Variants in WRN observed in about 807,000 individuals in gnomAD.
WRN encodes the protein WRN RecQ like helicase.
WRN carries 149 observed loss-of-function variants against 180.7 expected under a neutral mutation model. That is an observed-to-expected ratio of 0.82 (90% CI 0.72 to 0.94). The LOEUF (loss-of-function observed/expected upper bound fraction) is 0.94. WRN is among the 40% of genes least tolerant of loss of function. The probability of loss-of-function intolerance (pLI) is 0.00; values close to 1 mark genes in which losing one functional copy is unlikely to be tolerated. For missense variants in WRN, 1,661 were observed against 1,700.1 expected (o/e 0.98, Z 0.40); for synonymous variants, 548 against 568.9 (o/e 0.96, Z 0.52).
At chr8:31,104,190 C>T (rs1320474075) in intron 18 of WRN, among the ~76,000 whole-genome samples, 1 of 152,208 alleles carries the variant, frequency 6.6e-6, no homozygotes, top group Non-Finnish European at 1.5e-5. Context: ...TTCCTGTCAG[C>T]AGTGTGTGAA....
At chr8:31,057,240 C>T (rs2129994366) in intron 1 of WRN, among the ~76,000 whole-genome samples, 1 of 152,214 alleles carries the variant, frequency 6.6e-6, no homozygotes, top group Non-Finnish European at 1.5e-5. Context: ...CATCCTGTTT[C>T]ATCATGAGAC....
intron 3 of WRN, 132 bp from the exon 4 acceptor site, chr8:31,064,157 A>G (rs753972124): frequency 1.1e-6 from 1 of 917,978 alleles, no homozygotes; most frequent in East Asian, 2.7e-5. Flanking sequence ...CTGGCTGTTC[A>G]TTGTCAGTTG....
At chr8:31,123,740 C>CT (rs1801813284) in intron 21 of WRN, among the ~76,000 whole-genome samples, 1 of 152,148 alleles carries the variant, frequency 6.6e-6, no homozygotes, top group African/African-American at 2.4e-5. Context: ...TTAACATGGA[C>CT]TTTCATTTGT....
intron 32 of WRN, 100 bp downstream of exon 32, chr8:31,154,855 C>T: frequency 2.1e-6 from 3 of 1,405,064 alleles, no homozygotes; most frequent in Non-Finnish European, 3.0e-6. Flanking sequence ...GATCAATTTC[C>T]TCCAACCCTA....
intron 1 of WRN, among the ~76,000 whole-genome samples, chr8:31,051,135 A>G (rs1180152785): frequency 6.6e-6 from 1 of 152,014 alleles, no homozygotes; most frequent in African/African-American, 2.4e-5. Flanking sequence ...TTAGCCCTCA[A>G]GCAATTAGGC....
At chr8:31,159,020 C>T (rs62506103) in intron 33 of WRN, among the ~76,000 whole-genome samples, 39,794 of 151,840 alleles carry the variant, frequency 0.26, 5,293 homozygotes, top group South Asian at 0.29. Flanking sequence ...GAGAACAGGC[C>T]GGGCGTGGTG....
intron 18 of WRN, among the ~76,000 whole-genome samples, chr8:31,103,860 G>T (rs1267121435): frequency 6.6e-6 from 1 of 151,544 alleles, no homozygotes; most frequent in East Asian, 1.9e-4. Flanking sequence ...TCAGCCTCCC[G>T]AGTAGCTGAG....
At chr8:31,141,646 A>C in intron 25 of WRN, 35 bp from the exon 26 acceptor site, 1 of 1,613,860 alleles carries the variant, frequency 6.2e-7, no homozygotes, top group South Asian at 1.1e-5. Flanking sequence ...TTTGTTTCCC[A>C]CTCCACATTA....
chr8:31,051,900 T>C (rs55932348), intron 1 of WRN, among the ~76,000 whole-genome samples: 6,675 of 152,332 alleles, frequency 0.044, 183 homozygotes, highest in South Asian at 0.082. Flanking sequence ...GTGTGCTAAA[T>C]GGTTTCTACA....
At chr8:31,052,295 A>T (rs1040579234) in intron 1 of WRN, among the ~76,000 whole-genome samples, 1 of 152,224 alleles carries the variant, frequency 6.6e-6, no homozygotes, top group Non-Finnish European at 1.5e-5. Flanking sequence ...CAATATGAAA[A>T]ACCATTTGCA....
intron 32 of WRN, among the ~76,000 whole-genome samples, chr8:31,157,115 T>G (rs1010159129): frequency 6.6e-6 from 1 of 152,230 alleles, no homozygotes; most frequent in Admixed American, 6.5e-5. Flanking sequence ...GGGCGAGGAT[T>G]GAATTCTTCG....
intron 19 of WRN, among the ~76,000 whole-genome samples, chr8:31,114,287 TG>T (rs1801429590): frequency 6.6e-6 from 1 of 152,194 alleles, no homozygotes; most frequent in Non-Finnish European, 1.5e-5. Flanking sequence ...AACCCTATTT[TG>T]TTAAAGTCTT....
chr8:31,044,574 CTCGAACTCT>C (rs1811788048), intron 1 of WRN, among the ~76,000 whole-genome samples: 1 of 151,920 alleles, frequency 6.6e-6, no homozygotes, highest in East Asian at 1.9e-4. Flanking sequence ...TCAGGCTGGT[CTCGAACTCT>C]TGACTACGTG....
At position 31,175,620 on chromosome 8, in the gene WRN, A is replaced by G. The variant is rs1051971443; in HGVS notation, c.*2518A>G. Among the ~76,000 whole-genome samples, 6 of 152,334 alleles carry G rather than the reference A, an allele frequency of 3.9e-5. No individual in the cohort carries two copies. Among genetic ancestry groups the G allele is most frequent in the African/African-American group, 1.2e-4 (5 of 41,576 alleles). The stretch of plus-strand genomic sequence containing the variant: ...ACTTTTTGGTAAAATTTCAGAGAAC[A>G]ATGTCCACCATTATCTGAACAGGCT... On this transcript the variant is annotated 3_prime_UTR_variant, in exon 35 of 35. Transcript: ENST00000298139.
chr8:31,063,081 G>C (rs1812554931), intron 3 of WRN, among the ~76,000 whole-genome samples: 1 of 152,142 alleles, frequency 6.6e-6, no homozygotes, highest in African/African-American at 2.4e-5. Flanking sequence ...TGATCCTCCT[G>C]CCTTGGTCTC....
At chr8:31,035,848 A>G (rs1811434831) in intron 1 of WRN, among the ~76,000 whole-genome samples, 1 of 152,136 alleles carries the variant, frequency 6.6e-6, no homozygotes, top group Admixed American at 6.5e-5. Context: ...TACCTTTAGG[A>G]CTTTTTCATT....
In WRN at chr8:31,138,331, A is replaced by G. The variant is rs1386328122; in HGVS notation, c.2968-3099A>G. Among the ~76,000 whole-genome samples the G allele has an allele frequency of 2.0e-5, 3 of 152,184 alleles. No homozygotes were observed. In the East Asian group the frequency reaches 5.8e-4, roughly 29 times the overall value. The stretch of plus-strand genomic sequence containing the variant: ...TTTACTTACAAAAATAAATTATATT[A>G]TGTATATTTAAAGTATACAATTTGA... On this transcript the variant is annotated intron_variant, in intron 24 of 34. Coordinates refer to ENST00000298139, the MANE Select transcript of WRN (RefSeq NM_000553.6).
At chr8:31,165,071 C>T (rs981103605) in intron 33 of WRN, among the ~76,000 whole-genome samples, 8 of 151,960 alleles carry the variant, frequency 5.3e-5, no homozygotes, top group Admixed American at 1.3e-4. Context: ...ACACCATAAG[C>T]GGATGTTTAT....
At chr8:31,124,278 C>T (rs1363255710) in intron 21 of WRN, among the ~76,000 whole-genome samples, 8 of 151,794 alleles carry the variant, frequency 5.3e-5, no homozygotes, top group Non-Finnish European at 1.2e-4. Context: ...GATACTTGGA[C>T]ACAGGAAGAA....
Sources: allele counts gnomAD v4.1 joint callset (sites outside exome capture counted in the v4.1 genomes callset), GRCh38; gene constraint gnomAD v4.1.1; transcripts MANE v1.5; gene names NCBI Gene and HGNC (gene_info 2026-07-23, HGNC 2026-07-21).